FREM3: variants seen among roughly 807,000 people sequenced by gnomAD.
The protein encoded by FREM3 is FRAS1-related extracellular matrix protein 3.
A neutral mutation model predicts 129.1 loss-of-function variants in FREM3; 105 were observed. That is an observed-to-expected ratio of 0.81 (90% CI 0.69 to 0.96). The LOEUF is 0.96. FREM3 is among the 40% of genes least tolerant of loss of function. FREM3 has a pLI of 0.00. For missense variants in FREM3, 2,593 were observed against 2,666.3 expected (o/e 0.97, Z 0.61); for synonymous variants, 1,014 against 1,044.9 (o/e 0.97, Z 0.57).
At chr4:143,664,934 C>T (rs529209980) in intron 2 of FREM3, among the ~76,000 whole-genome samples, 66 of 152,260 alleles carry the variant, frequency 4.3e-4, no homozygotes, top group African/African-American at 1.3e-3. Context: ...TTTTTAAGCC[C>T]GTCGGAAAAG....
chr4:143,589,395 T>A (rs1738310849), intron 6 of FREM3, among the ~76,000 whole-genome samples: 1 of 152,212 alleles, frequency 6.6e-6, no homozygotes, highest in Non-Finnish European at 1.5e-5. Flanking sequence ...AAGTCTTTAA[T>A]CCATCTTGAA....
chr4:143,661,119 T>C (rs1245289033), intron 2 of FREM3, among the ~76,000 whole-genome samples: 1 of 152,212 alleles, frequency 6.6e-6, no homozygotes, highest in East Asian at 1.9e-4. Flanking sequence ...TCCAACACTA[T>C]GTTGAATAGG....
At chr4:143,678,439 T>C (rs771965937) in intron 2 of FREM3, among the ~76,000 whole-genome samples, 2 of 152,010 alleles carry the variant, frequency 1.3e-5, no homozygotes, top group Non-Finnish European at 2.9e-5. Flanking sequence ...ATATCTAATG[T>C]AAATGATGAG....
chr4:143,591,322 T>G (rs1245281560), intron 6 of FREM3, among the ~76,000 whole-genome samples: 1 of 152,224 alleles, frequency 6.6e-6, no homozygotes, highest in Non-Finnish European at 1.5e-5. Context: ...GTTCTTTTAA[T>G]TGTGATGTTA....
chr4:143,611,424 C>G lies in FREM3; in HGVS notation c.5883G>C (p.Gln1961His). Residue 1961 changes from glutamine to histidine, a missense_variant, in exon 6 of 8, where the codon CAG becomes CAC. Transcript: ENST00000329798. ...CAATGATCAGGACCTGGCAGGTCTT[C>G]TGTGTCTCATTCTTGTCAAAGTGGA... ...SILHFDKNET[Q>H]KTCQVLIIDD... 1 of 1,537,162 alleles carries G rather than the reference C, an allele frequency of 6.5e-7. No individual in the cohort carries two copies. Among genetic ancestry groups the G allele is most frequent in the Non-Finnish European group, 8.7e-7 (1 of 1,146,848 alleles).
intron 2 of FREM3, among the ~76,000 whole-genome samples, chr4:143,677,900 G>A (rs1740174740): frequency 6.6e-6 from 1 of 152,336 alleles, no homozygotes; most frequent in African/African-American, 2.4e-5. Flanking sequence ...ACAGGTGCTG[G>A]AGAGGATGTG....
In FREM3 at chr4:143,616,177, A is replaced by T. The variant is rs1170422232; in HGVS notation, c.5780-4650T>A. ...GGAAGCCAGAATATGTTGGAATAATAACTTTAAAATGCTAGGAGAGAATTA... is the reference window on the plus strand; with the variant it reads ...GGAAGCCAGAATATGTTGGAATAATTACTTTAAAATGCTAGGAGAGAATTA... On this transcript the variant is annotated intron_variant, in intron 5 of 7. Transcript: ENST00000329798. Among the ~76,000 whole-genome samples, 3 of 152,234 alleles carry T rather than the reference A, an allele frequency of 2.0e-5. 1 individual carries two copies. The highest frequency in any genetic ancestry group is 4.4e-5 in the Non-Finnish European group (3 of 68,042).
In FREM3 at chr4:143,595,678, C is replaced by G. The variant is rs544608476; in HGVS notation, c.6029-9685G>C. Among the ~76,000 whole-genome samples the G allele has an allele frequency of 1.1e-3, 166 of 152,034 alleles. 1 individual carries two copies. The East Asian group carries it at 0.013, about 12-fold the overall frequency. ...CAAGGTGGGCGGATCACGAGGTCTG[C>G]AGATCAAGACCATCCTGGCTAACAC... On this transcript the variant is annotated intron_variant, in intron 6 of 7. Coordinates refer to ENST00000329798, the MANE Select transcript of FREM3 (RefSeq NM_001168235.2).
chr4:143,690,017 T>TA lies in FREM3; in HGVS notation c.5275+3095dup, dbSNP rs34995101. Reference sequence around the variant, plus strand: ...TACCACCAAAAACTTATGGAAAAATTAAAAAAAAAAAAAAAAAAGAAATGC... The same window carrying TA: ...TACCACCAAAAACTTATGGAAAAATTAAAAAAAAAAAAAAAAAAAGAAATGC... On this transcript the variant is annotated intron_variant, in intron 2 of 7. Coordinates refer to ENST00000329798, the MANE Select transcript of FREM3 (RefSeq NM_001168235.2). Among the ~76,000 whole-genome samples, 520 of 136,564 alleles carry TA rather than the reference T, an allele frequency of 3.8e-3. 1 individual carries two copies. The highest frequency in any genetic ancestry group is 0.012 in the African/African-American group (452 of 37,338). 89.6% of individuals were successfully genotyped at this position (136,564 alleles called of 152,430 possible). A position where few individuals can be genotyped will look rare whatever the true frequency, so the allele number is the denominator to read the frequency against.
intron 2 of FREM3, among the ~76,000 whole-genome samples, chr4:143,691,766 T>C (rs995311970): frequency 1.3e-4 from 20 of 152,226 alleles, no homozygotes; most frequent in Non-Finnish European, 1.6e-4. Context: ...TACAGTGTCA[T>C]CACAGACTGA....
chr4:143,620,170 G>A (rs772568436), intron 5 of FREM3, among the ~76,000 whole-genome samples: 59 of 152,112 alleles, frequency 3.9e-4, no homozygotes, highest in Non-Finnish European at 7.6e-4. Flanking sequence ...ACCACAGAGA[G>A]CCAAATATGC....
intron 2 of FREM3, among the ~76,000 whole-genome samples, chr4:143,682,728 T>G (rs1046747036): frequency 2.6e-5 from 4 of 152,174 alleles, no homozygotes; most frequent in African/African-American, 4.8e-5. Context: ...AAGATAGTGT[T>G]TATTGAGTGT....
chr4:143,644,272 G>A (rs548468562), intron 2 of FREM3, among the ~76,000 whole-genome samples: 1 of 151,888 alleles, frequency 6.6e-6, no homozygotes, highest in African/African-American at 2.4e-5. Flanking sequence ...GCCCTTCTCC[G>A]TGTATCTGCA....
intron 2 of FREM3, among the ~76,000 whole-genome samples, chr4:143,689,944 T>G (rs1414480214): frequency 6.7e-6 from 1 of 149,566 alleles, no homozygotes; most frequent in African/African-American, 2.5e-5. Context: ...CATGAACATC[T>G]CACAAATCAC....
chr4:143,669,427 C>A (rs1739925559), intron 2 of FREM3, among the ~76,000 whole-genome samples: 1 of 152,114 alleles, frequency 6.6e-6, no homozygotes, highest in African/African-American at 2.4e-5. Flanking sequence ...CAGGCGTGAA[C>A]CGCCACGCCT....
At chr4:143,662,509 T>C (rs925027390) in intron 2 of FREM3, among the ~76,000 whole-genome samples, 1 of 141,488 alleles carries the variant, frequency 7.1e-6, no homozygotes, top group Admixed American at 7.4e-5. Context: ...TACTTCCAAC[T>C]ATGTGGTCAA....
chr4:143,590,214 T>G (rs1738333040), intron 6 of FREM3, among the ~76,000 whole-genome samples: 1 of 152,220 alleles, frequency 6.6e-6, no homozygotes. Context: ...CTTTTCCTAA[T>G]TGAATACCCT....
chr4:143,593,869 G>T (rs1315375664), intron 6 of FREM3, among the ~76,000 whole-genome samples: 1 of 152,230 alleles, frequency 6.6e-6, no homozygotes, highest in Non-Finnish European at 1.5e-5. Flanking sequence ...TCCTTGAGCT[G>T]TGGTGGGCTC....
chr4:143,662,982 C>T (rs2149852992), intron 2 of FREM3, among the ~76,000 whole-genome samples: 1 of 152,188 alleles, frequency 6.6e-6, no homozygotes, highest in Middle Eastern at 3.4e-3. Flanking sequence ...TGTATTTCTG[C>T]AGGTGAGATG....
Sources: allele counts gnomAD v4.1 joint callset (sites outside exome capture counted in the v4.1 genomes callset), GRCh38; gene constraint gnomAD v4.1.1; transcripts MANE v1.5; gene names NCBI Gene and HGNC (gene_info 2026-07-23, HGNC 2026-07-21).